The following BRME1 variants were observed in gnomAD, a reference collection of about 807,000 sequenced individuals.
BRME1 encodes the protein BRCA2 and MEILB2-associating protein 1.
BRME1 carries 31 observed loss-of-function variants against 52.6 expected under a neutral mutation model. That is an observed-to-expected ratio of 0.59 (90% confidence interval 0.44 to 0.80). BRME1 has a LOEUF of 0.80. Ranked by LOEUF, BRME1 falls within the 30% of genes least tolerant of loss-of-function variation. The pLI, the probability that BRME1 is intolerant of heterozygous loss-of-function variation, is 0.00. For synonymous variants in BRME1, 359 were observed against 353.6 expected (o/e 1.02, Z -0.17); for missense variants, 804 against 860.3 (o/e 0.93, Z 0.82).
At position 13,889,839 on chromosome 19, in the gene BRME1, G is replaced by C. The variant is rs367695544; in HGVS notation, c.1017C>G (p.Ile339Met). 1.2e-6 allele frequency: 2 copies of C among 1,613,226 alleles called. No individual in the cohort carries two copies. Among genetic ancestry groups the C allele is most frequent in the East Asian group, 4.5e-5 (2 of 44,876 alleles). Residue 339 changes from isoleucine (I) to methionine (M), a missense_variant, in exon 6 of 9, where the codon ATC (isoleucine) becomes ATG (methionine). By Grantham distance (10) the Ile-to-Met change is conservative. Around this residue, in one of 3 missense-constraint regions of BRME1, gnomAD observed 552 missense variants for 561.1 expected, o/e 0.98. Coordinates refer to ENST00000586783, the MANE Select transcript of BRME1 (RefSeq NM_001345843.2). ...CAGTGGGGTCTGTGCTCAGGTCTGC[G>C]ATGACAACCATCCCGAGGGAGGAGC... ...LGCSSLGMVV[I>M]ADLSTDPTEL... is the part of the protein sequence containing the mutation.
Position 13,890,445 on chromosome 19 carries a change from G to A in BRME1, c.411C>T (p.Ser137=), listed in dbSNP as rs773594583. The stretch of plus-strand genomic sequence containing the variant: ...GCTGGCATCCTGGACTCTGGGCGCT[G>A]GACTCTGCGATTGTTTCCTGTGGAC... The part of the protein sequence containing the change: ...GAFSLETIAE[S]SAQSPGCQLL... Residue 137 remains serine (S), a synonymous_variant, in exon 6 of 9, where the codon TCC becomes TCT. Coordinates refer to ENST00000586783, the MANE Select transcript of BRME1 (RefSeq NM_001345843.2). 10 of 1,502,196 alleles carry A rather than the reference G, an allele frequency of 6.7e-6. No individual in the cohort carries two copies. Among genetic ancestry groups the A allele is most frequent in the Non-Finnish European group, 8.0e-6 (9 of 1,131,794 alleles). The allele number at this position is 1,502,196 out of a possible 1,614,324, so 93.1% of individuals were successfully genotyped here.
chr19:13,901,983 G>C (rs1425898137), intron 2 of BRME1, among the ~76,000 whole-genome samples: 1 of 151,784 alleles, frequency 6.6e-6, no homozygotes, highest in Non-Finnish European at 1.5e-5. Flanking sequence ...CGAGGCTGCA[G>C]CGAGCTATGA....
At position 13,889,178 on chromosome 19, in the gene BRME1, C is replaced by T. The variant is rs1369060184; in HGVS notation, c.1668+10G>A. ...GGGCAGGTATGTCTGTCACTCAGGG[C>T]AGCTCTCACCTGCTCAGGTGGGGCT... On this transcript the variant is annotated intron_variant, in intron 6 of 8. Coordinates refer to ENST00000586783, the MANE Select transcript of BRME1 (RefSeq NM_001345843.2). 6.5e-7 allele frequency: 1 copy of T among 1,549,498 alleles called. No homozygotes were observed. Among genetic ancestry groups the T allele is most frequent in the Non-Finnish European group, 8.7e-7 (1 of 1,147,642 alleles).
In BRME1 at chr19:13,889,230, C is replaced by G. The variant is rs749862822; in HGVS notation, c.1626G>C (p.Gln542His). Residue 542 changes from glutamine to histidine, a missense_variant, in exon 6 of 9, where the codon CAG becomes CAC. Physicochemically the swap from Gln to His is conservative, Grantham distance 24. Coordinates refer to ENST00000586783, the MANE Select transcript of BRME1 (RefSeq NM_001345843.2). ...CGAAGTCAGAGGCGTCCAGGGCATC[C>G]TGTATCTGGCTGTCCAGCAGGAAGT... ...ELDFLLDSQI[Q>H]DALDASDFEA... The G allele has an allele frequency of 3.6e-5, 58 of 1,610,742 alleles. No homozygotes were observed. The highest frequency in any genetic ancestry group is 4.8e-5 in the Non-Finnish European group (57 of 1,178,180).
chr19:13,890,493 C>T, intron 5 of BRME1, 31 bp from the exon 6 acceptor site: 1 of 1,442,978 alleles, frequency 6.9e-7, no homozygotes, highest in Non-Finnish European at 9.1e-7. Context: ...AGCCCCGGGG[C>T]CTTTGATAAC....
chr19:13,886,023 G>C lies in BRME1; in HGVS notation c.1701C>G (p.Cys567Trp), dbSNP rs1205852007. 2 of 1,614,028 alleles carry C rather than the reference G, an allele frequency of 1.2e-6. No homozygotes were observed. The highest frequency in any genetic ancestry group is 1.7e-6 in the Non-Finnish European group (2 of 1,180,006). ...TGGCATGTGAGCTGGGGCCCGGCCA[G>C]CAAGGGCCCGGCTTGTTCCCCGAAG... Reference protein sequence around the residue: ...LFPSGNKPGPCWPGPSSHANG... With the variant: ...LFPSGNKPGPWWPGPSSHANG... The change falls in exon 7 of 9, where the codon TGC becomes TGG. Residue 567 changes from cysteine (C) to tryptophan (W), a missense_variant. Around this residue, in one of 3 missense-constraint regions of BRME1, gnomAD observed 552 missense variants for 561.1 expected, o/e 0.98. Transcript: ENST00000586783.
At chr19:13,887,262 C>A (rs1969101522) in intron 6 of BRME1, among the ~76,000 whole-genome samples, 1 of 152,248 alleles carries the variant, frequency 6.6e-6, no homozygotes, top group Admixed American at 6.5e-5. Context: ...TGCCGGGAGC[C>A]ACCCGGAACC....
At chr19:13,895,771 A>T (rs1427718726) in intron 2 of BRME1, among the ~76,000 whole-genome samples, 1 of 152,198 alleles carries the variant, frequency 6.6e-6, no homozygotes, top group Non-Finnish European at 1.5e-5. Flanking sequence ...AGGGCAGACA[A>T]GACTAAATTA....
intron 7 of BRME1, among the ~76,000 whole-genome samples, chr19:13,884,115 G>T (rs1187809883): frequency 1.3e-5 from 2 of 152,144 alleles, no homozygotes; most frequent in Non-Finnish European, 2.9e-5. Flanking sequence ...CAAGGTGGGA[G>T]GATGGCTTGA....
rs749028986 is a variant in BRME1 at position 13,890,121 on chromosome 19, C to T, written c.735G>A (p.Glu245=). The T allele has an allele frequency of 6.8e-6, 11 of 1,614,060 alleles. No individual in the cohort carries two copies. The highest frequency in any genetic ancestry group is 8.5e-6 in the Non-Finnish European group (10 of 1,180,036). Residue 245 remains glutamate (E), a synonymous_variant, in exon 6 of 9, where the codon GAG becomes GAA. Coordinates refer to ENST00000586783, the MANE Select transcript of BRME1 (RefSeq NM_001345843.2). ...CCTGGGGGGCTCCTCTGTCTGGCTT[C>T]TCCCCTTCAGAATCAATGCTTGGTA... ...EHLPSIDSEG[E]KPDRGAPQEG...
At chr19:13,891,417 G>A (rs1969492545) in intron 5 of BRME1, among the ~76,000 whole-genome samples, 1 of 151,772 alleles carries the variant, frequency 6.6e-6, no homozygotes, top group Non-Finnish European at 1.5e-5. Context: ...CCAAAGTGCT[G>A]GGATTAAAGG....
At chr19:13,894,774 T>C (rs540461058) in intron 3 of BRME1, among the ~76,000 whole-genome samples, 1 of 152,336 alleles carries the variant, frequency 6.6e-6, no homozygotes, top group Admixed American at 6.5e-5. Flanking sequence ...TTTGTTCCCT[T>C]CTTGATTAAG....
chr19:13,904,988 G>A (rs1970575675), intron 1 of BRME1, 75 bp from the exon 2 acceptor site: 1 of 1,286,480 alleles, frequency 7.8e-7, no homozygotes, highest in Non-Finnish European at 1.1e-6. Flanking sequence ...TTGGCTGAGA[G>A]CAGAGGTTAC....
At chr19:13,904,595 C>T (rs1048677604) in intron 2 of BRME1, among the ~76,000 whole-genome samples, 5 of 151,934 alleles carry the variant, frequency 3.3e-5, no homozygotes, top group Admixed American at 6.6e-5. Context: ...GCATGTGCCA[C>T]AACACCTGGC....
In BRME1 at chr19:13,883,596, C is replaced by G. The variant is rs1200116073; in HGVS notation, c.1764-196G>C. On this transcript the variant is annotated intron_variant, in intron 7 of 8. Coordinates refer to ENST00000586783, the MANE Select transcript of BRME1 (RefSeq NM_001345843.2). The surrounding 1 kb of genome is among the most constrained non-coding windows in gnomAD (Gnocchi z 4.2). ...GCAGGCCCAGAACCCAACCGCTTCT[C>G]CCCTACCTGCCCTGCCCTCTCAGGA... 1 of 547,868 alleles carries G rather than the reference C, an allele frequency of 1.8e-6. No homozygotes were observed. The highest frequency in any genetic ancestry group is 3.3e-6 in the Non-Finnish European group (1 of 303,816). 33.9% of individuals were successfully genotyped at this position (547,868 alleles called of 1,614,324 possible).
At chr19:13,886,822 G>A (rs1261725482) in intron 6 of BRME1, among the ~76,000 whole-genome samples, 1 of 150,446 alleles carries the variant, frequency 6.6e-6, no homozygotes, top group Admixed American at 6.6e-5. Context: ...AAATTAGCTG[G>A]GCATGGTGGC....
Position 13,894,434 on chromosome 19 carries a change from A to T in BRME1, c.206+938T>A, listed in dbSNP as rs1599341123. On this transcript the variant is annotated intron_variant, in intron 3 of 8. Coordinates refer to ENST00000586783, the MANE Select transcript of BRME1 (RefSeq NM_001345843.2). ...CAGCTACTCAGGAGGCTGAGGCAGG[A>T]GAATCGCTTGAACCCGGGAGGTGGA... Among the ~76,000 whole-genome samples, 3 of 152,212 alleles carry T rather than the reference A, an allele frequency of 2.0e-5. 1 individual carries two copies. Among genetic ancestry groups the T allele is most frequent in the Admixed American group, 2.0e-4 (3 of 15,280 alleles).
chr19:13,883,540 T>A lies in BRME1; in HGVS notation c.1764-140A>T. ...TCCTCCTCTGTTCACGACAGAACCC[T>A]GATGGCCAACCCAGCTGGCTCCACT... On this transcript the variant is annotated intron_variant, in intron 7 of 8. Coordinates refer to ENST00000586783, the MANE Select transcript of BRME1 (RefSeq NM_001345843.2). The surrounding 1 kb of genome is among the most constrained non-coding windows in gnomAD (Gnocchi z 4.2). 1 of 648,400 alleles carries A rather than the reference T, an allele frequency of 1.5e-6. No individual in the cohort carries two copies. 40.2% of individuals were successfully genotyped at this position (648,400 alleles called of 1,614,324 possible). A position where few individuals can be genotyped will look rare whatever the true frequency, so the allele number is the denominator to read the frequency against.
At chr19:13,884,733 C>T (rs1473039790) in intron 7 of BRME1, among the ~76,000 whole-genome samples, 2 of 152,168 alleles carry the variant, frequency 1.3e-5, no homozygotes, top group Non-Finnish European at 2.9e-5. Flanking sequence ...GGTGGCCAGG[C>T]GGGTAAGTGG....
Sources: allele counts gnomAD v4.1 joint callset (sites outside exome capture counted in the v4.1 genomes callset), GRCh38; gene constraint gnomAD v4.1.1; regional missense constraint gnomAD v4.1.1; non-coding constraint Gnocchi (gnomAD v3.1); transcripts MANE v1.5; gene names NCBI Gene and HGNC (gene_info 2026-07-23, HGNC 2026-07-21).